ZBTB7C: variants seen among roughly 807,000 people sequenced by gnomAD.
ZBTB7C encodes zinc finger and BTB domain-containing protein 7C.
A neutral mutation model predicts 25.7 loss-of-function variants in ZBTB7C; 8 were observed. The ratio of observed to expected loss-of-function variants is 0.31; its 90% CI spans 0.18 to 0.56. The LOEUF is 0.56. Among genes scored for constraint, ZBTB7C ranks in the 20% least tolerant of loss-of-function variants. ZBTB7C has a pLI of 0.91. For synonymous variants in ZBTB7C, 394 were observed against 369.0 expected (o/e 1.07, Z -0.78); for missense variants, 824 against 855.2 (o/e 0.96, Z 0.46).
chr18:48,046,875 T>G (rs2036492399), intron 3 of ZBTB7C, among the ~76,000 whole-genome samples: 1 of 152,162 alleles, frequency 6.6e-6, no homozygotes. Context: ...ATCATGACCA[T>G]GAGGAGCCAG....
intron 3 of ZBTB7C, among the ~76,000 whole-genome samples, chr18:48,098,533 C>G (rs2038719074): frequency 6.6e-6 from 1 of 152,176 alleles, no homozygotes; most frequent in Admixed American, 6.5e-5. Context: ...GGCTTTGTCA[C>G]CAGTGCACCC....
chr18:48,234,411 C>A (rs2043326923), intron 2 of ZBTB7C, among the ~76,000 whole-genome samples: 1 of 152,122 alleles, frequency 6.6e-6, no homozygotes, highest in Non-Finnish European at 1.5e-5. Context: ...TTCTGTCTAA[C>A]CCCAACCCCG....
chr18:48,141,607 A>G (rs1032095907), intron 3 of ZBTB7C, among the ~76,000 whole-genome samples: 1 of 152,138 alleles, frequency 6.6e-6, no homozygotes, highest in African/African-American at 2.4e-5. Context: ...TAGGTAGGCT[A>G]ATATTTATGG....
chr18:48,102,564 C>CA (rs58790347), intron 3 of ZBTB7C, among the ~76,000 whole-genome samples: 3,975 of 95,528 alleles, frequency 0.042, 116 homozygotes, highest in African/African-American at 0.086. Flanking sequence ...GATCCTCCCT[C>CA]AAAAAAAAAA....
chr18:48,128,103 C>T (rs969248027), intron 3 of ZBTB7C, among the ~76,000 whole-genome samples: 1 of 152,226 alleles, frequency 6.6e-6, no homozygotes, highest in African/African-American at 2.4e-5. Flanking sequence ...GGAAATCACT[C>T]CTGCCTGCCT....
At chr18:48,387,845 GT>G (rs59046240) in intron 1 of ZBTB7C, among the ~76,000 whole-genome samples, 24,376 of 104,590 alleles carry the variant, frequency 0.23, 2,402 homozygotes, top group African/African-American at 0.34. Context: ...TGTTGTTGTT[GT>G]TTGTTTGTTT....
upstream of ZBTB7C, among the ~76,000 whole-genome samples, chr18:48,410,194 G>C (rs1439726923): frequency 1.6e-4 from 24 of 152,192 alleles, no homozygotes. Context: ...AGCGCACCAA[G>C]ACGCCTAGCC....
intron 2 of ZBTB7C, among the ~76,000 whole-genome samples, chr18:48,304,242 C>A (rs988473192): frequency 1.3e-5 from 2 of 152,232 alleles, no homozygotes; most frequent in Non-Finnish European, 1.5e-5. Flanking sequence ...TACCCCCAAT[C>A]ACAAAACAGG....
At position 48,032,560 on chromosome 18, in the gene ZBTB7C, G is replaced by A. The variant is rs1243085038; in HGVS notation, c.1209-2649C>T. ...CACAATTCTCCTGCCTCAGCCTCCT[G>A]AGTAGCTGGGACTACAGGTGCCCAC... On this transcript the variant is annotated intron_variant, in intron 4 of 4. Transcript: ENST00000590800. Among the ~76,000 whole-genome samples the A allele has an allele frequency of 6.8e-5, 10 of 148,038 alleles. No individual in the cohort carries two copies. In the South Asian group the frequency reaches 1.1e-3, roughly 16 times the overall value.
intron 3 of ZBTB7C, among the ~76,000 whole-genome samples, chr18:48,063,980 C>T (rs2037224038): frequency 6.6e-6 from 1 of 152,076 alleles, no homozygotes; most frequent in African/African-American, 2.4e-5. Context: ...TCCAGTCCTC[C>T]TCCTAAGCAT....
At chr18:48,171,351 G>A (rs1275254552) in intron 3 of ZBTB7C, among the ~76,000 whole-genome samples, 2 of 152,314 alleles carry the variant, frequency 1.3e-5, no homozygotes, top group South Asian at 2.1e-4. Context: ...GGCACTCTTT[G>A]AGGTCAGGCA....
At chr18:48,369,749 G>A (rs752221200) in intron 1 of ZBTB7C, among the ~76,000 whole-genome samples, 49 of 152,180 alleles carry the variant, frequency 3.2e-4, no homozygotes, top group Middle Eastern at 6.8e-3. Flanking sequence ...AATATGTGAA[G>A]CAAAACCCAA....
At chr18:48,412,181 T>C (rs1180179432), upstream of ZBTB7C, among the ~76,000 whole-genome samples, 3 of 152,236 alleles carry the variant, frequency 2.0e-5, no homozygotes, top group African/African-American at 7.2e-5. Context: ...GGGGTTACTG[T>C]GTATTAAGCA....
At chr18:48,348,757 C>T (rs2046798167) in intron 1 of ZBTB7C, among the ~76,000 whole-genome samples, 1 of 152,246 alleles carries the variant, frequency 6.6e-6, no homozygotes, top group South Asian at 2.1e-4. Context: ...GCAGAGGTTG[C>T]AGTGAGCTGA....
chr18:48,222,261 G>A (rs577882399), intron 2 of ZBTB7C, among the ~76,000 whole-genome samples: 3 of 152,224 alleles, frequency 2.0e-5, no homozygotes, highest in South Asian at 2.1e-4. Flanking sequence ...CTGTGAACCC[G>A]GATACTGCGA....
intron 2 of ZBTB7C, among the ~76,000 whole-genome samples, chr18:48,213,944 T>C (rs2042762685): frequency 6.6e-6 from 1 of 152,192 alleles, no homozygotes; most frequent in Non-Finnish European, 1.5e-5. Flanking sequence ...ACAACGTGTG[T>C]GGCAAATGCA....
In ZBTB7C at chr18:48,398,674, G is replaced by A. The variant is rs1253971672; in HGVS notation, c.-304+10552C>T. Among the ~76,000 whole-genome samples the A allele has an allele frequency of 6.6e-5, 10 of 152,016 alleles. No individual in the cohort carries two copies. In the East Asian group the frequency reaches 7.7e-4, roughly 12 times the overall value. On this transcript the variant is annotated intron_variant, in intron 1 of 4. Transcript: ENST00000590800. The stretch of plus-strand genomic sequence containing the variant: ...TCACTGGCTTATCTCAGACCCCACC[G>A]CTTCCCCACCCCCACAACGTGAGCA...
chr18:48,360,287 C>T (rs897360767), intron 1 of ZBTB7C, among the ~76,000 whole-genome samples: 2 of 152,190 alleles, frequency 1.3e-5, no homozygotes, highest in African/African-American at 2.4e-5. Flanking sequence ...AACCGAACTG[C>T]GGACAGAGCA....
At chr18:48,302,401 T>C (rs962815722) in intron 2 of ZBTB7C, among the ~76,000 whole-genome samples, 26 of 152,210 alleles carry the variant, frequency 1.7e-4, no homozygotes, top group African/African-American at 5.5e-4. Flanking sequence ...CTGCAATTCC[T>C]GCACAGATTT....
Sources: allele counts gnomAD v4.1 joint callset (sites outside exome capture counted in the v4.1 genomes callset), GRCh38; gene constraint gnomAD v4.1.1; transcripts MANE v1.5; gene names NCBI Gene and HGNC (gene_info 2026-07-23, HGNC 2026-07-21).